NCOA1: variants seen among roughly 807,000 people sequenced by gnomAD.
NCOA1 encodes Hin-2 protein.
In NCOA1, 35 loss-of-function variants were observed where a neutral mutation model predicts 150.9. That is an observed-to-expected ratio of 0.23 (90% CI 0.18 to 0.31). The LOEUF (loss-of-function observed/expected upper bound fraction) is 0.31. Among genes scored for constraint, NCOA1 ranks in the 10% least tolerant of loss-of-function variants. The pLI is 1.00. For missense variants in NCOA1, 1,491 were observed against 1,749.3 expected (o/e 0.85, Z 2.63); for synonymous variants, 590 against 630.0 (o/e 0.94, Z 0.95).
chr2:24,719,893 CAT>C (rs905797705), intron 14 of NCOA1, among the ~76,000 whole-genome samples: 14 of 152,224 alleles, frequency 9.2e-5, no homozygotes, highest in African/African-American at 3.4e-4. Flanking sequence ...CAAATGAAAA[CAT>C]AAGAAAATTA....
chr2:24,624,809 C>G (rs532588198), intron 3 of NCOA1, among the ~76,000 whole-genome samples: 1 of 152,236 alleles, frequency 6.6e-6, no homozygotes, highest in East Asian at 1.9e-4. Flanking sequence ...GGATTTTGAG[C>G]TGACTCTTGG....
intron 1 of NCOA1, among the ~76,000 whole-genome samples, chr2:24,550,692 A>G (rs980144314): frequency 1.5e-4 from 23 of 152,234 alleles, no homozygotes; most frequent in Admixed American, 6.5e-5. Flanking sequence ...TGCATAGAAT[A>G]TCTATGAATG....
At chr2:24,690,956 A>G (rs1470930448) in intron 8 of NCOA1, among the ~76,000 whole-genome samples, 1 of 152,298 alleles carries the variant, frequency 6.6e-6, no homozygotes, top group Admixed American at 6.5e-5. Flanking sequence ...GTTATGAGAA[A>G]TTGAGATTGC....
chr2:24,594,396 G>A (rs1267473999), intron 3 of NCOA1, among the ~76,000 whole-genome samples: 1 of 151,982 alleles, frequency 6.6e-6, no homozygotes, highest in Non-Finnish European at 1.5e-5. Flanking sequence ...TGTCACAATT[G>A]GGGCAGAGTC....
chr2:24,677,068 G>C (rs1671944674), intron 7 of NCOA1, among the ~76,000 whole-genome samples: 1 of 152,170 alleles, frequency 6.6e-6, no homozygotes, highest in Non-Finnish European at 1.5e-5. Flanking sequence ...TTGGGGCCAG[G>C]CATGGTGGCT....
At chr2:24,650,026 G>A (rs185850141) in intron 4 of NCOA1, among the ~76,000 whole-genome samples, 3 of 152,244 alleles carry the variant, frequency 2.0e-5, no homozygotes, top group Admixed American at 2.0e-4. Flanking sequence ...TATGAAATAA[G>A]ATTAAATGGT....
At chr2:24,718,820 G>T (rs1459694135) in intron 14 of NCOA1, among the ~76,000 whole-genome samples, 4 of 149,610 alleles carry the variant, frequency 2.7e-5, no homozygotes, top group African/African-American at 9.9e-5. Context: ...AGTGAGCCGA[G>T]ATCGCGCCAC....
intron 8 of NCOA1, among the ~76,000 whole-genome samples, chr2:24,689,129 A>C (rs902723808): frequency 6.6e-6 from 1 of 152,040 alleles, no homozygotes; most frequent in East Asian, 1.9e-4. Context: ...GTACCCCTGT[A>C]ATATAGTTTG....
intron 13 of NCOA1, among the ~76,000 whole-genome samples, chr2:24,710,041 A>G (rs1372877537): frequency 6.6e-6 from 1 of 151,952 alleles, no homozygotes; most frequent in Non-Finnish European, 1.5e-5. Context: ...ATAACCTAAG[A>G]CAGATGTAGG....
chr2:24,769,069 T>C lies in NCOA1; in HGVS notation c.*678T>C, dbSNP rs984997487. The C allele has an allele frequency of 4.7e-6, 1 of 214,290 alleles. No homozygotes were observed. The highest frequency in any genetic ancestry group is 5.8e-5 in the Admixed American group (1 of 17,114). 13.3% of individuals were successfully genotyped at this position (214,290 alleles called of 1,614,324 possible). ...CCAAAAAATACAGTTTGGGGGAAAA[T>C]GCAATAATTTTTGATGAGATGGGTG... On this transcript the variant is annotated 3_prime_UTR_variant, in exon 23 of 23. Coordinates refer to ENST00000348332, the MANE Select transcript of NCOA1 (RefSeq NM_003743.5).
chr2:24,690,854 T>C (rs1350185540), intron 8 of NCOA1, among the ~76,000 whole-genome samples: 1 of 152,094 alleles, frequency 6.6e-6, no homozygotes. Context: ...GCAGTCTTTT[T>C]TTACATAATA....
intron 1 of NCOA1, among the ~76,000 whole-genome samples, chr2:24,504,181 C>T (rs1412580026): frequency 6.6e-6 from 1 of 152,180 alleles, no homozygotes; most frequent in African/African-American, 2.4e-5. Context: ...CTAGTATGAT[C>T]TGGGTAGGCT....
At chr2:24,610,124 CTTTTTTTTTTTT>C (rs775178797) in intron 3 of NCOA1, among the ~76,000 whole-genome samples, 5 of 90,212 alleles carry the variant, frequency 5.5e-5, no homozygotes, top group South Asian at 3.8e-4. Flanking sequence ...AGGCTGCATT[CTTTTTTTTTTTT>C]TTTTTTTTTT....
intron 20 of NCOA1, among the ~76,000 whole-genome samples, chr2:24,756,195 G>A (rs1429455579): frequency 2.6e-5 from 4 of 151,990 alleles, no homozygotes; most frequent in Admixed American, 6.6e-5. Flanking sequence ...CAGAGGTTAC[G>A]GTGAGCTGAG....
chr2:24,729,405 A>G lies in NCOA1; in HGVS notation c.2887-96A>G. 4.1e-6 allele frequency: 5 copies of G among 1,217,246 alleles called. No homozygotes were observed. In the South Asian group the frequency reaches 7.4e-5, roughly 18 times the overall value. 75.4% of individuals were successfully genotyped at this position (1,217,246 alleles called of 1,614,324 possible). On this transcript the variant is annotated intron_variant, in intron 16 of 22. Coordinates refer to ENST00000348332, the MANE Select transcript of NCOA1 (RefSeq NM_003743.5). ...GTAAACTTCTGGAGAGCATGAATTC[A>G]GAATGAATATATGATGGTGCTTTCT...
intron 1 of NCOA1, among the ~76,000 whole-genome samples, chr2:24,547,709 C>T (rs530043031): frequency 3.3e-5 from 5 of 151,400 alleles, no homozygotes; most frequent in Non-Finnish European, 7.4e-5. Flanking sequence ...GATGAGGGAG[C>T]CAGGTGCAAT....
intron 19 of NCOA1, among the ~76,000 whole-genome samples, chr2:24,746,737 G>A (rs991526758): frequency 1.3e-5 from 2 of 152,076 alleles, no homozygotes; most frequent in African/African-American, 4.8e-5. Flanking sequence ...TTTCACAGAC[G>A]ATTTTTAGAG....
At chr2:24,599,274 C>T (rs993809541) in intron 3 of NCOA1, among the ~76,000 whole-genome samples, 2 of 152,162 alleles carry the variant, frequency 1.3e-5, no homozygotes, top group Non-Finnish European at 2.9e-5. Context: ...TTCCAATATA[C>T]TGGACATTCT....
At chr2:24,700,523 C>T (rs1673110170) in intron 11 of NCOA1, among the ~76,000 whole-genome samples, 1 of 152,116 alleles carries the variant, frequency 6.6e-6, no homozygotes, top group Non-Finnish European at 1.5e-5. Flanking sequence ...AAGGAGTTTA[C>T]TATTATATTT....
Sources: allele counts gnomAD v4.1 joint callset (sites outside exome capture counted in the v4.1 genomes callset), GRCh38; gene constraint gnomAD v4.1.1; transcripts MANE v1.5; gene names NCBI Gene and HGNC (gene_info 2026-07-23, HGNC 2026-07-21).